The following BCL9L variants were observed in gnomAD, a reference collection of about 807,000 sequenced individuals.
The protein encoded by BCL9L is B-cell CLL/lymphoma 9-like protein.
BCL9L carries 19 observed loss-of-function variants against 99.4 expected under a neutral mutation model. The observed-to-expected ratio is 0.19, with a 90% CI of 0.13 to 0.28. The LOEUF (loss-of-function observed/expected upper bound fraction) is 0.28, where lower values mean the gene tolerates loss of function less well. Among genes scored for constraint, BCL9L ranks in the 10% least tolerant of loss-of-function variants. The probability of loss-of-function intolerance (pLI) is 1.00; values close to 1 mark genes in which losing one functional copy is unlikely to be tolerated. For synonymous variants in BCL9L, 900 were observed against 854.8 expected (o/e 1.05, Z -0.92); for missense variants, 2,023 against 2,101.6 (o/e 0.96, Z 0.73).
Position 118,903,253 on chromosome 11 carries a change from G to A in BCL9L, c.732C>T (p.Thr244=), listed in dbSNP as rs755182717. 3.6e-5 allele frequency: 58 copies of A among 1,589,946 alleles called. No homozygotes were observed. The highest frequency in any genetic ancestry group is 4.9e-5 in the Non-Finnish European group (57 of 1,170,366). ...GCACTTACGTGTTGGCCAGGTGGGT[G>A]GTGAAGACATATACGAACTGCGAGG... ...KPPSQFVYVF[T]THLANTAAEA... Residue 244 remains threonine, a synonymous_variant, in exon 6 of 10, where the codon ACC becomes ACT. Coordinates refer to ENST00000683865, the MANE Select transcript of BCL9L (RefSeq NM_001378213.1). This position sits in a 1 kb window ranked among gnomAD's most constrained non-coding sequence, Gnocchi z 5.6.
At chr11:118,910,253 C>A (rs946636058) in intron 2 of BCL9L, 4 of 379,000 alleles carry the variant, frequency 1.1e-5, no homozygotes, top group Non-Finnish European at 2.0e-5. Flanking sequence ...CCCCGACGGG[C>A]GGCAGAGACA....
In BCL9L at chr11:118,922,523, C is replaced by T. The variant is rs924775793; in HGVS notation, c.-131+2715G>A. Among the ~76,000 whole-genome samples the T allele has an allele frequency of 7.9e-5, 12 of 152,142 alleles. No individual in the cohort carries two copies. Among genetic ancestry groups the T allele is most frequent in the Admixed American group, 7.2e-4 (11 of 15,280 alleles). On this transcript the variant is annotated intron_variant, in intron 1 of 9. Transcript: ENST00000683865. The surrounding 1 kb of genome is among the most constrained non-coding windows in gnomAD (Gnocchi z 6.2). The stretch of plus-strand genomic sequence containing the variant: ...GGGCTGGCAGGCAGGGGCACACATG[C>T]GGAGCTAGAGCAGCCAGGCGCTCAA...
In BCL9L at chr11:118,899,125, C is replaced by T. The variant is rs1940078377; in HGVS notation, c.3790G>A (p.Glu1264Lys). ...CCTGGCGGCTGGTTGGGCAGGTCCT[C>T]GGGAGGCAGGGCCATGCCTGACGGG... The part of the protein sequence containing the change: ...HYPSGMALPP[E>K]DLPNQPPGPM... The change falls in exon 10 of 10, where the codon GAG (glutamate) becomes AAG (lysine). Residue 1264 changes from glutamate to lysine, a missense_variant. Physicochemically the swap from Glu to Lys is moderately conservative, Grantham distance 56 (BLOSUM62 1). Coordinates refer to ENST00000683865, the MANE Select transcript of BCL9L (RefSeq NM_001378213.1). The T allele has an allele frequency of 5.8e-6, 9 of 1,550,890 alleles. No individual in the cohort carries two copies. The highest frequency in any genetic ancestry group is 1.9e-5 in the Admixed American group (1 of 52,390).
Position 118,901,123 on chromosome 11 carries a change from G to C in BCL9L, c.2620C>G (p.Gln874Glu). Residue 874 changes from glutamine to glutamate, a missense_variant, in exon 8 of 10, where the codon CAG (glutamine) becomes GAG (glutamate). This residue lies in a region of BCL9L where 902 missense variants were observed against 888.2 expected (regional missense o/e 1.02). Coordinates refer to ENST00000683865, the MANE Select transcript of BCL9L (RefSeq NM_001378213.1). This position sits in a 1 kb window ranked among gnomAD's most constrained non-coding sequence, Gnocchi z 6.6. ...ACGTTGCTCATGGGCATTGAGCTCT[G>C]ATCAGGGCTGAACATGTCTTGGGTA... is the stretch of plus-strand genomic sequence containing the variant. The part of the protein sequence containing the change: ...GNTQDMFSPD[Q>E]SSMPMSNVGT... 1.9e-6 allele frequency: 3 copies of C among 1,612,944 alleles called. No individual in the cohort carries two copies. The highest frequency in any genetic ancestry group is 2.5e-6 in the Non-Finnish European group (3 of 1,179,246).
chr11:118,917,345 A>C (rs890242736), intron 2 of BCL9L, among the ~76,000 whole-genome samples: 4 of 152,214 alleles, frequency 2.6e-5, no homozygotes, highest in African/African-American at 9.7e-5. Context: ...TTGTAACTTC[A>C]CCAGTCCTAA....
Position 118,898,746 on chromosome 11 carries a change from G to T in BCL9L, c.4169C>A (p.Ser1390Tyr), listed in dbSNP as rs999151129. ...GGACATCTGTCCAGGGTGGCACATG[G>T]ACATGTTGAGCCCCCGCTGGACGCC... Reference protein sequence around the residue: ...QQGVQRGLNMSMCHPGQMSLL... With the variant: ...QQGVQRGLNMYMCHPGQMSLL... Residue 1390 changes from serine to tyrosine, a missense_variant, in exon 10 of 10, where the codon TCC (serine) becomes TAC (tyrosine). By Grantham distance (144) the Ser-to-Tyr change is moderately radical. Transcript: ENST00000683865. The T allele has an allele frequency of 5.6e-6, 9 of 1,613,436 alleles. No homozygotes were observed. The highest frequency in any genetic ancestry group is 7.6e-6 in the Non-Finnish European group (9 of 1,179,934).
chr11:118,912,259 C>G (rs1940824058), intron 2 of BCL9L, among the ~76,000 whole-genome samples: 1 of 152,210 alleles, frequency 6.6e-6, no homozygotes, highest in Non-Finnish European at 1.5e-5. Context: ...AGGGGGCTTG[C>G]TAGTACCAGG....
At chr11:118,918,474 G>T (rs1941038839) in intron 2 of BCL9L, among the ~76,000 whole-genome samples, 1 of 152,098 alleles carries the variant, frequency 6.6e-6, no homozygotes, top group Admixed American at 6.5e-5. Flanking sequence ...CAGGGCGATT[G>T]GGCGGAATCT....
At chr11:118,920,937 A>T (rs1941119563) in intron 1 of BCL9L, among the ~76,000 whole-genome samples, 1 of 152,124 alleles carries the variant, frequency 6.6e-6, no homozygotes, top group Non-Finnish European at 1.5e-5. Context: ...GTTCCCAGGG[A>T]GGAGAGAGGA....
Position 118,897,674 on chromosome 11 carries a change from G to T in BCL9L, c.*741C>A. On this transcript the variant is annotated 3_prime_UTR_variant, in exon 10 of 10. Transcript: ENST00000683865. ...CCCAGAGACACTGCAAACAGTGGGTGGCCATGTAGGGCTGCATGTCCCTGG... is the reference window on the plus strand; with the variant it reads ...CCCAGAGACACTGCAAACAGTGGGTTGCCATGTAGGGCTGCATGTCCCTGG... 1 of 410,438 alleles carries T rather than the reference G, an allele frequency of 2.4e-6. No homozygotes were observed. Among genetic ancestry groups the T allele is most frequent in the Non-Finnish European group, 4.8e-6 (1 of 208,578 alleles). The allele number at this position is 410,438 out of a possible 1,614,324, so 25.4% of individuals were successfully genotyped here.
Position 118,898,980 on chromosome 11 carries a change from T to C in BCL9L, c.3935A>G (p.Glu1312Gly), listed in dbSNP as rs1323384874. 6.2e-7 allele frequency: 1 copy of C among 1,613,406 alleles called. No individual in the cohort carries two copies. Among genetic ancestry groups the C allele is most frequent in the African/African-American group, 1.3e-5 (1 of 74,900 alleles). Residue 1312 changes from glutamate (E) to glycine (G), a missense_variant, in exon 10 of 10, where the codon GAG (glutamate) becomes GGG (glycine). Glu to Gly is a moderately conservative substitution (Grantham distance 98, BLOSUM62 -2). Around this residue, in one of 3 missense-constraint regions of BCL9L, gnomAD observed 902 missense variants for 888.2 expected, o/e 1.02. Coordinates refer to ENST00000683865, the MANE Select transcript of BCL9L (RefSeq NM_001378213.1). The stretch of plus-strand genomic sequence containing the variant: ...CCCCGTTGGGGTGGGCCGGATCACC[T>C]CGCTCAGCTCGGGGTCGTTCAGCAC... Reference protein sequence around the residue: ...ASVLNDPELSEVIRPTPTGIP... With the variant: ...ASVLNDPELSGVIRPTPTGIP...
In BCL9L at chr11:118,909,957, G is replaced by A. The variant is rs1421509882; in HGVS notation, c.-18C>T. The A allele has an allele frequency of 6.2e-7, 1 of 1,613,958 alleles. No individual in the cohort carries two copies. On this transcript the variant is annotated 5_prime_UTR_variant, in exon 3 of 10. Coordinates refer to ENST00000683865, the MANE Select transcript of BCL9L (RefSeq NM_001378213.1). The stretch of plus-strand genomic sequence containing the variant: ...ATCCTCATGGCTCCCACACACAGTG[G>A]GGCTACGGCCCCTGTGCGTGCCCAG...
intron 2 of BCL9L, 23 bp from the exon 3 acceptor site, chr11:118,910,038 G>GA: frequency 1.3e-6 from 2 of 1,521,482 alleles, no homozygotes; most frequent in South Asian, 2.3e-5. Flanking sequence ...GCCCCAAAGA[G>GA]AAAACTCGTG....
chr11:118,900,473 T>C lies in BCL9L; in HGVS notation c.3124+146A>G, dbSNP rs544147575. On this transcript the variant is annotated intron_variant, in intron 8 of 9. Coordinates refer to ENST00000683865, the MANE Select transcript of BCL9L (RefSeq NM_001378213.1). This position sits in a 1 kb window ranked among gnomAD's most constrained non-coding sequence, Gnocchi z 5.3. ...GGTACCCCCTGAGAAAGCCCACAAA[T>C]GTCATCATCTGCCCCATAAGCAGAG... The C allele has an allele frequency of 5.7e-6, 8 of 1,396,808 alleles. No individual in the cohort carries two copies. Among genetic ancestry groups the C allele is most frequent in the Non-Finnish European group, 6.6e-6 (7 of 1,064,120 alleles). 86.5% of individuals were successfully genotyped at this position (1,396,808 alleles called of 1,614,324 possible).
At chr11:118,920,984 C>T (rs1477872254) in intron 1 of BCL9L, among the ~76,000 whole-genome samples, 3 of 152,294 alleles carry the variant, frequency 2.0e-5, no homozygotes, top group East Asian at 1.9e-4. Flanking sequence ...TGCCCGCACA[C>T]GCACATACAC....
Position 118,897,998 on chromosome 11 carries a change from G to A in BCL9L, c.*417C>T, listed in dbSNP as rs1325361724. ...GAGGGAGGTGGAGCTCCAGCAATGC[G>A]GACACGAGGAGACAGGAGCAGAAGG... On this transcript the variant is annotated 3_prime_UTR_variant, in exon 10 of 10. Coordinates refer to ENST00000683865, the MANE Select transcript of BCL9L (RefSeq NM_001378213.1). The A allele has an allele frequency of 1.5e-5, 6 of 413,650 alleles. No homozygotes were observed. The highest frequency in any genetic ancestry group is 3.7e-5 in the South Asian group (2 of 53,618). The allele number at this position is 413,650 out of a possible 1,614,324, so 25.6% of individuals were successfully genotyped here.
Position 118,902,236 on chromosome 11 carries a change from T to C in BCL9L, c.1507A>G (p.Met503Val), listed in dbSNP as rs751003481. 5.0e-6 allele frequency: 8 copies of C among 1,611,588 alleles called. No homozygotes were observed. In the Middle Eastern group the frequency reaches 5.0e-4, roughly 100 times the overall value. Residue 503 changes from methionine to valine, a missense_variant, in exon 8 of 10, where the codon ATG becomes GTG. Physicochemically the swap from Met to Val is conservative, Grantham distance 21. This residue lies in a region of BCL9L where 1,116 missense variants were observed against 1,194.6 expected (regional missense o/e 0.93). Transcript: ENST00000683865. The surrounding 1 kb of genome is among the most constrained non-coding windows in gnomAD (Gnocchi z 7.8). ...TCCTGGCCCAGCCTCTGTATCATCATGTTCATCTGCTGCCCCATGTCCCCA... is the reference window on the plus strand; with the variant it reads ...TCCTGGCCCAGCCTCTGTATCATCACGTTCATCTGCTGCCCCATGTCCCCA... ...PGGDMGQQMN[M>V]MIQRLGQDSL... is the part of the protein sequence containing the mutation.
chr11:118,912,475 T>C (rs1000914117), intron 2 of BCL9L, among the ~76,000 whole-genome samples: 8 of 151,752 alleles, frequency 5.3e-5, no homozygotes, highest in African/African-American at 1.9e-4. Flanking sequence ...GCCTGAGATA[T>C]CCATCCGCTC....
At position 118,900,796 on chromosome 11, in the gene BCL9L, G is replaced by A. The variant is rs200407786; in HGVS notation, c.2947C>T (p.Leu983Phe). 1 of 1,613,966 alleles carries A rather than the reference G, an allele frequency of 6.2e-7. No homozygotes were observed. ...LKSPQVLGSS[L>F]SVRSPTGSPS... is the part of the protein sequence containing the mutation. ...GAGCCAGTGGGTGAACGGACACTGA[G>A]GGAGGAGCCGAGGACCTGGGGCGAC... Residue 983 changes from leucine to phenylalanine, a missense_variant, in exon 8 of 10, where the codon CTC becomes TTC. Leu to Phe is a conservative substitution (Grantham distance 22). Coordinates refer to ENST00000683865, the MANE Select transcript of BCL9L (RefSeq NM_001378213.1). The surrounding 1 kb of genome is among the most constrained non-coding windows in gnomAD (Gnocchi z 5.3).
Sources: gnomAD v4.1 joint callset for allele counts (sites outside exome capture counted in the v4.1 genomes callset) on GRCh38, gnomAD v4.1.1 for gene constraint, gnomAD v4.1.1 regional missense constraint, Gnocchi (gnomAD v3.1) non-coding constraint, MANE v1.5 for transcripts, NCBI Gene and HGNC (gene_info 2026-07-23, HGNC 2026-07-21) for gene names.